CAPSL: variants seen among roughly 807,000 people sequenced by gnomAD.
CAPSL encodes calcyphosin-like protein.
Under a neutral mutation model 21.3 loss-of-function variants are expected in CAPSL, and 17 were observed. The observed-to-expected ratio is 0.80, with a 90% confidence interval of 0.55 to 1.20. The LOEUF is 1.20. Among genes scored for constraint, CAPSL ranks in the 50% most tolerant of loss-of-function variants. The pLI, the probability that CAPSL is intolerant of heterozygous loss-of-function variation, is 0.00. For synonymous variants in CAPSL, 102 were observed against 89.3 expected (o/e 1.14, Z -0.80); for missense variants, 289 against 259.3 (o/e 1.11, Z -0.79).
At chr5:35,911,905 G>A (rs193020969) in intron 2 of CAPSL, among the ~76,000 whole-genome samples, 1 of 152,148 alleles carries the variant, frequency 6.6e-6, no homozygotes, top group Non-Finnish European at 1.5e-5. Context: ...GCTGAAGCAG[G>A]GCAAGGCATC....
chr5:35,932,257 A>T (rs2149933675), intron 1 of CAPSL, among the ~76,000 whole-genome samples: 1 of 152,300 alleles, frequency 6.6e-6, no homozygotes, highest in Middle Eastern at 3.4e-3. Flanking sequence ...TATCTCTGAA[A>T]ATGATAGAGA....
chr5:35,912,132 C>G (rs1044897059), intron 2 of CAPSL, among the ~76,000 whole-genome samples: 1 of 152,178 alleles, frequency 6.6e-6, no homozygotes, highest in Non-Finnish European at 1.5e-5. Context: ...CAGTCTGAGA[C>G]CAAACTGCAA....
Position 35,909,896 on chromosome 5 carries a change from G to T in CAPSL, c.495C>A (p.Asn165Lys). The T allele has an allele frequency of 6.2e-7, 1 of 1,613,364 alleles. No individual in the cohort carries two copies. Among genetic ancestry groups the T allele is most frequent in the Non-Finnish European group, 8.5e-7 (1 of 1,179,832 alleles). The change falls in exon 4 of 5, where the codon AAC (asparagine) becomes AAA (lysine). Residue 165 changes from asparagine (N) to lysine (K), a missense_variant. By Grantham distance (94) the Asn-to-Lys change is moderately conservative (BLOSUM62 0). Transcript: ENST00000651391. Reference sequence around the variant, plus strand: ...CATCTTTGTCATAGGGTGAATCAAAGTTATCCAGAAATTTCCTAAATACTT... The same window carrying T: ...CATCTTTGTCATAGGGTGAATCAAATTTATCCAGAAATTTCCTAAATACTT... ...EEQVFRKFLD[N>K]FDSPYDKDGL... is the part of the protein sequence containing the mutation.
At position 35,922,071 on chromosome 5, in the gene CAPSL, G is replaced by GA. The variant is rs35010602; in HGVS notation, c.1-952dup. 2.3e-3 allele frequency among the ~76,000 whole-genome samples: 342 copies of GA among 146,472 alleles called. 5 individuals carry two copies. The highest frequency in any genetic ancestry group is 0.018 in the Admixed American group (271 of 14,824). ...TGCAAAGGACAGCATGCAATGTGCA[G>GA]AAAAAAAAAAAAAAACGGTATTAGA... On this transcript the variant is annotated intron_variant, in intron 1 of 4. Transcript: ENST00000651391.
At position 35,921,139 on chromosome 5, in the gene CAPSL, A is replaced by G; in HGVS notation, c.1-19T>C. The stretch of plus-strand genomic sequence containing the variant: ...CTGCCATCTGAGGGGAAGCCATAGC[A>G]TGTTAGCAAAGTCCAGGCCTCGCCG... On this transcript the variant is annotated intron_variant, in intron 1 of 4. Transcript: ENST00000651391. 6.2e-7 allele frequency: 1 copy of G among 1,613,036 alleles called. No individual in the cohort carries two copies. Among genetic ancestry groups the G allele is most frequent in the Non-Finnish European group, 8.5e-7 (1 of 1,179,740 alleles).
intron 2 of CAPSL, among the ~76,000 whole-genome samples, chr5:35,913,305 C>T (rs975411470): frequency 3.9e-5 from 6 of 152,192 alleles, no homozygotes; most frequent in African/African-American, 1.4e-4. Context: ...TCCAGGAGAA[C>T]TTCCCCAATC....
At position 35,938,326 on chromosome 5, in the gene CAPSL, A is replaced by AT. The variant is rs1339162732; in HGVS notation, c.-1+214dup. Among the ~76,000 whole-genome samples the AT allele has an allele frequency of 4.6e-5, 7 of 151,506 alleles. No individual in the cohort carries two copies. In the East Asian group the frequency reaches 5.8e-4, roughly 13 times the overall value. ...TATTTTTGTGCATTTTTATCTAAGC[A>AT]TTTTTTTTGCAAAGATTACAAAAAT... On this transcript the variant is annotated intron_variant, in intron 1 of 4. Transcript: ENST00000651391.
chr5:35,924,169 C>G (rs969265756), intron 1 of CAPSL, among the ~76,000 whole-genome samples: 1 of 152,142 alleles, frequency 6.6e-6, no homozygotes, highest in Admixed American at 6.5e-5. Context: ...AGGTAACTTG[C>G]CCAAGTCGCA....
chr5:35,938,060 C>T (rs951634951), intron 1 of CAPSL, among the ~76,000 whole-genome samples: 7 of 152,176 alleles, frequency 4.6e-5, no homozygotes, highest in Non-Finnish European at 1.0e-4. Flanking sequence ...TTCTGATTCT[C>T]AGTTGTCAGT....
intron 1 of CAPSL, among the ~76,000 whole-genome samples, chr5:35,925,157 T>G (rs1469861255): frequency 2.0e-5 from 3 of 152,236 alleles, no homozygotes; most frequent in Admixed American, 1.3e-4. Flanking sequence ...CACACAGGTC[T>G]GCTAAGAGCT....
At chr5:35,907,302 CTAACA>C (rs1174591243) in intron 4 of CAPSL, among the ~76,000 whole-genome samples, 1 of 151,992 alleles carries the variant, frequency 6.6e-6, no homozygotes, top group Non-Finnish European at 1.5e-5. Context: ...AGTAATATAC[CTAACA>C]TATTTTTAAT....
At chr5:35,913,534 G>T (rs1040912330) in intron 2 of CAPSL, among the ~76,000 whole-genome samples, 53 of 152,296 alleles carry the variant, frequency 3.5e-4, no homozygotes, top group African/African-American at 1.1e-3. Context: ...CAAGCCAGAA[G>T]AGAGTGGGGG....
At chr5:35,905,985 GA>G (rs1760666890) in intron 4 of CAPSL, among the ~76,000 whole-genome samples, 1 of 152,142 alleles carries the variant, frequency 6.6e-6, no homozygotes. Context: ...GAATATCAAA[GA>G]TAATTAAGAT....
intron 2 of CAPSL, among the ~76,000 whole-genome samples, chr5:35,912,340 T>G (rs1394180314): frequency 6.6e-6 from 1 of 152,196 alleles, no homozygotes; most frequent in Non-Finnish European, 1.5e-5. Context: ...AATGTCCCTG[T>G]CTGACAACTT....
intron 4 of CAPSL, among the ~76,000 whole-genome samples, chr5:35,905,005 C>T (rs1002336395): frequency 6.6e-6 from 1 of 152,132 alleles, no homozygotes; most frequent in Non-Finnish European, 1.5e-5. Flanking sequence ...TTCTGTGACA[C>T]GTCAGAAACA....
chr5:35,937,837 C>CAAAAAA (rs11369328), intron 1 of CAPSL, among the ~76,000 whole-genome samples: 1 of 146,498 alleles, frequency 6.8e-6, no homozygotes. Context: ...AAAAATAAGT[C>CAAAAAA]AAAAAAAAAA....
Position 35,921,160 on chromosome 5 carries a change from C to T in CAPSL, c.1-40G>A, listed in dbSNP as rs371821824. The T allele has an allele frequency of 1.6e-4, 255 of 1,602,500 alleles. 2 individuals carry two copies. The Admixed American group carries it at 4.1e-3, about 26-fold the overall frequency. On this transcript the variant is annotated intron_variant, in intron 1 of 4. Transcript: ENST00000651391. ...TAGCATGTTAGCAAAGTCCAGGCCT[C>T]GCCGCTGCCTCTGGCTGGGCAGAGT...
intron 2 of CAPSL, among the ~76,000 whole-genome samples, chr5:35,912,807 C>G (rs1738266941): frequency 1.3e-5 from 2 of 152,290 alleles, no homozygotes; most frequent in Middle Eastern, 3.4e-3. Context: ...GAGTGCCTCT[C>G]CTCCTCCAAA....
rs924996988 is a variant in CAPSL, at chr5:35,937,022, T to C, written c.-1+1519A>G. ...TTATCCTAGACTCTTCCTAACCCTT[T>C]ACATCCAAATAGCAGCTAAGTCCTA... On this transcript the variant is annotated intron_variant, in intron 1 of 4. Transcript: ENST00000651391. Among the ~76,000 whole-genome samples the C allele has an allele frequency of 2.6e-5, 4 of 152,192 alleles. No homozygotes were observed. The South Asian group carries it at 6.2e-4, about 24-fold the overall frequency.
Sources: allele counts gnomAD v4.1 joint callset (sites outside exome capture counted in the v4.1 genomes callset), GRCh38; gene constraint gnomAD v4.1.1; transcripts MANE v1.5; gene names NCBI Gene and HGNC (gene_info 2026-07-23, HGNC 2026-07-21).